Variants in ARB2A observed in about 807,000 individuals in gnomAD.
The protein encoded by ARB2A is cotranscriptional regulator ARB2A.
chr5:93,646,349 C>T, the ARB2A span, among the ~76,000 whole-genome samples: 1 of 151,088 alleles, frequency 6.6e-6, no homozygotes, highest in Non-Finnish European at 1.5e-5. Context: ...TTCGGTGAAA[C>T]CTTTTAACTA....
the ARB2A span, among the ~76,000 whole-genome samples, chr5:93,904,364 GT>G: frequency 6.6e-6 from 1 of 151,790 alleles, no homozygotes; most frequent in African/African-American, 2.4e-5. Context: ...AAAGTTAAAA[GT>G]TATATCTTTC....
At chr5:93,741,442 G>C in the ARB2A span, 1 of 1,613,488 alleles carries the variant, frequency 6.2e-7, no homozygotes, top group Non-Finnish European at 8.5e-7. Context: ...CACCCTGCCA[G>C]GGGCCGCCTG....
At chr5:94,093,035 T>C in the ARB2A span, among the ~76,000 whole-genome samples, 5 of 152,196 alleles carry the variant, frequency 3.3e-5, no homozygotes, top group Admixed American at 6.5e-5. Context: ...CACAGGTATA[T>C]TATTTTTCTA....
the ARB2A span, among the ~76,000 whole-genome samples, chr5:94,093,328 G>T: frequency 6.6e-6 from 1 of 151,998 alleles, no homozygotes; most frequent in African/African-American, 2.4e-5. Flanking sequence ...ACACAGGGTG[G>T]GTTAAACAAC....
the ARB2A span, chr5:93,619,500 T>C: frequency 1.3e-5 from 2 of 152,212 alleles, no homozygotes; most frequent in African/African-American, 4.8e-5. Context: ...TTAAGTTACT[T>C]TTCTGAGGCA....
the ARB2A span, among the ~76,000 whole-genome samples, chr5:93,718,956 G>A: frequency 1.3e-5 from 2 of 152,086 alleles, no homozygotes; most frequent in Non-Finnish European, 2.9e-5. Flanking sequence ...ATTCACTCCT[G>A]ATGCAGATGC....
the ARB2A span, among the ~76,000 whole-genome samples, chr5:93,903,411 G>A: frequency 1.3e-5 from 2 of 151,954 alleles, no homozygotes; most frequent in African/African-American, 2.4e-5. Flanking sequence ...TATTTAAAAT[G>A]ATTTAACAGT....
At chr5:94,022,466 A>G in the ARB2A span, among the ~76,000 whole-genome samples, 1 of 152,216 alleles carries the variant, frequency 6.6e-6, no homozygotes, top group East Asian at 1.9e-4. Flanking sequence ...AAAACAAACT[A>G]CGTTGGACCA....
chr5:93,950,943 C>CAAAAAAA, the ARB2A span, among the ~76,000 whole-genome samples: 1 of 79,236 alleles, frequency 1.3e-5, no homozygotes, highest in Non-Finnish European at 2.7e-5. Context: ...GACTCTGTCT[C>CAAAAAAA]AAAAAAAAAA....
the ARB2A span, among the ~76,000 whole-genome samples, chr5:93,981,539 A>C: frequency 6.6e-6 from 1 of 151,848 alleles, no homozygotes; most frequent in African/African-American, 2.4e-5. Context: ...ACAGAAACAG[A>C]CTCTAAAAGA....
chr5:93,881,681 T>C, the ARB2A span: 9 of 1,522,300 alleles, frequency 5.9e-6, no homozygotes, highest in Non-Finnish European at 7.1e-6. Context: ...TATTACTCCA[T>C]ATCCTTCCTG....
chr5:93,838,021 T>C, the ARB2A span, among the ~76,000 whole-genome samples: 1 of 152,216 alleles, frequency 6.6e-6, no homozygotes, highest in Non-Finnish European at 1.5e-5. Flanking sequence ...TAGGTCCCAC[T>C]TGTCAATTTT....
chr5:93,967,470 T>C, the ARB2A span, among the ~76,000 whole-genome samples: 1 of 152,072 alleles, frequency 6.6e-6, no homozygotes, highest in East Asian at 1.9e-4. Flanking sequence ...GACAAGCAGA[T>C]ATAAAATCAG....
At chr5:93,918,110 T>C in the ARB2A span, among the ~76,000 whole-genome samples, 1 of 152,196 alleles carries the variant, frequency 6.6e-6, no homozygotes, top group Non-Finnish European at 1.5e-5. Flanking sequence ...CCTAAGTTTA[T>C]ATAAAAATAA....
the ARB2A span, among the ~76,000 whole-genome samples, chr5:93,746,749 A>G: frequency 1.3e-5 from 2 of 152,216 alleles, no homozygotes; most frequent in African/African-American, 4.8e-5. Context: ...ATAAAATGAT[A>G]TTAAGTATAA....
At chr5:94,012,954 G>A in the ARB2A span, among the ~76,000 whole-genome samples, 13,814 of 152,162 alleles carry the variant, frequency 0.091, 791 homozygotes, top group Middle Eastern at 0.16. Context: ...AGAAAGAAAC[G>A]GGAGGTCTGG....
At chr5:94,086,377 C>G in the ARB2A span, among the ~76,000 whole-genome samples, 2 of 152,182 alleles carry the variant, frequency 1.3e-5, no homozygotes, top group African/African-American at 4.8e-5. Context: ...TTCCTACCAC[C>G]TAGTGACATC....
the ARB2A span, among the ~76,000 whole-genome samples, chr5:93,789,063 G>A: frequency 2.6e-5 from 4 of 152,194 alleles, no homozygotes; most frequent in East Asian, 1.9e-4. Context: ...ATATATGTGC[G>A]TGCAGACCCA....
the ARB2A span, among the ~76,000 whole-genome samples, chr5:93,986,114 C>T: frequency 1.8e-4 from 27 of 150,406 alleles, no homozygotes; most frequent in Non-Finnish European, 2.7e-4. Flanking sequence ...TGCCGCCACC[C>T]CGTCTGGGAG....
Sources: gnomAD v4.1 joint callset for allele counts (sites outside exome capture counted in the v4.1 genomes callset) on GRCh38, gnomAD v4.1.1 for gene constraint, MANE v1.5 for transcripts, NCBI Gene and HGNC (gene_info 2026-07-23, HGNC 2026-07-21) for gene names.